The following DMD variants were observed in gnomAD, a reference collection of about 807,000 sequenced individuals.
DMD encodes mutant dystrophin.
In DMD, 63 loss-of-function variants were observed where a neutral mutation model predicts 330.1. The ratio of observed to expected loss-of-function variants is 0.19; its 90% CI spans 0.16 to 0.24. The LOEUF is 0.24. DMD is among the 10% of genes least tolerant of loss of function. The pLI, the probability that DMD is intolerant of heterozygous loss-of-function variation, is 1.00. For synonymous variants in DMD, 1,223 were observed against 959.8 expected, an observed-to-expected ratio of 1.27 and a Z score of -5.07; for missense variants, 3,344 against 2,684.1, an observed-to-expected ratio of 1.25 and a Z score of -5.43.
At chrX:31,653,958 AGAT>A (rs1438780594) in intron 54 of DMD, among the ~76,000 whole-genome samples, 1 of 111,748 alleles carries the variant, frequency 8.9e-6, no homozygotes, top group Admixed American at 9.5e-5. Context: ...TTCCATAGAT[AGAT>A]TAGTTCCTTT....
chrX:32,856,650 T>C (rs1237175362), intron 2 of DMD, among the ~76,000 whole-genome samples: 1 of 111,874 alleles, frequency 8.9e-6, no homozygotes, highest in Admixed American at 9.5e-5. Context: ...GAATGATGTT[T>C]ACCAGAGTGT....
intron 21 of DMD, among the ~76,000 whole-genome samples, chrX:32,482,863 T>C (rs911458264): frequency 9.1e-6 from 1 of 109,832 alleles, no homozygotes; most frequent in Admixed American, 9.9e-5. Flanking sequence ...TATGCCATTT[T>C]CCAACACTGA....
chrX:31,756,091 T>C (rs975005475), intron 51 of DMD, among the ~76,000 whole-genome samples: 1 of 111,114 alleles, frequency 9.0e-6, no homozygotes, highest in African/African-American at 3.3e-5. Context: ...AATTACTTTA[T>C]GGAGATGCAA....
At chrX:32,252,799 T>C (rs1381684109) in intron 43 of DMD, among the ~76,000 whole-genome samples, 45 of 72,061 alleles carry the variant, frequency 6.2e-4, no homozygotes, top group Non-Finnish European at 8.8e-4. Flanking sequence ...TATAAATATA[T>C]ATATAAATAT....
At position 32,574,923 on chromosome X, in the gene DMD, G is replaced by C. The variant is rs186839164; in HGVS notation, c.1603-1077C>G. On this transcript the variant is annotated intron_variant, in intron 13 of 78. Coordinates refer to ENST00000357033, the MANE Select transcript of DMD (RefSeq NM_004006.3). ...TATTTTTTTTTTTTTTGTAGACAGA[G>C]TTTTGCTCCTGTCACCCAGGCTGGA... 4.7e-5 allele frequency among the ~76,000 whole-genome samples: 5 copies of C among 105,573 alleles called. No individual in the cohort carries two copies. The South Asian group carries it at 2.1e-3, about 45-fold the overall frequency. The allele number at this position is 105,573 out of a possible 115,157, so 91.7% of individuals were successfully genotyped here.
rs1416672342 is a variant in DMD, at chrX:31,530,931, T to G, written c.8218-23478A>C. 8.2e-5 allele frequency among the ~76,000 whole-genome samples: 7 copies of G among 85,021 alleles called. No individual in the cohort carries two copies. In the Admixed American group the frequency reaches 8.9e-4, roughly 11 times the overall value. 73.8% of individuals were successfully genotyped at this position (85,021 alleles called of 115,157 possible). A position where few individuals can be genotyped will look rare whatever the true frequency, so the allele number is the denominator to read the frequency against. ...ATGAGTGAGAATATGCGGTGTTTGG[T>G]TTTTTGTTCTTGCGATAGTTTACTG... On this transcript the variant is annotated intron_variant, in intron 55 of 78. Transcript: ENST00000357033.
At chrX:31,856,648 T>C (rs2093617284) in intron 48 of DMD, among the ~76,000 whole-genome samples, 1 of 112,396 alleles carries the variant, frequency 8.9e-6, no homozygotes, top group South Asian at 3.7e-4. Context: ...GGACTTTAGT[T>C]ACAATGGCAT....
chrX:31,695,343 A>G (rs2083388727), intron 52 of DMD, among the ~76,000 whole-genome samples: 1 of 110,690 alleles, frequency 9.0e-6, no homozygotes, highest in South Asian at 3.8e-4. Flanking sequence ...AAGAATGAGT[A>G]AGACCTAGTA....
intron 1 of DMD, among the ~76,000 whole-genome samples, chrX:33,144,899 ATTG>A (rs1361793553): frequency 8.9e-6 from 1 of 112,022 alleles, no homozygotes; most frequent in Non-Finnish European, 1.9e-5. Flanking sequence ...TCCAACTACC[ATTG>A]TTAATGCTTT....
chrX:32,518,202 A>T (rs2046053940), intron 17 of DMD, 71 bp from the exon 18 acceptor site: 1 of 1,008,634 alleles, frequency 9.9e-7, no homozygotes, highest in Non-Finnish European at 1.4e-6. Context: ...AAAGCAATTT[A>T]TCCACATTTA....
At chrX:31,166,122 C>A (rs1220909444) in intron 74 of DMD, among the ~76,000 whole-genome samples, 6 of 112,288 alleles carry the variant, frequency 5.3e-5, no homozygotes, top group African/African-American at 9.7e-5. Context: ...AAAGTGCATG[C>A]ATGTATGCTA....
chrX:32,688,324 T>C lies in DMD; in HGVS notation c.960+9546A>G, dbSNP rs186768423. The stretch of plus-strand genomic sequence containing the variant: ...ATCAAGAGACAAAAAAGTCATTTTC[T>C]AGAATGGTTGGTAAAATTATATATC... On this transcript the variant is annotated intron_variant, in intron 9 of 78. Coordinates refer to ENST00000357033, the MANE Select transcript of DMD (RefSeq NM_004006.3). Among the ~76,000 whole-genome samples the C allele has an allele frequency of 2.4e-3, 265 of 112,446 alleles. 2 individuals carry two copies. The highest frequency in any genetic ancestry group is 4.6e-3 in the Middle Eastern group (1 of 218).
intron 43 of DMD, among the ~76,000 whole-genome samples, chrX:32,231,004 A>T (rs1198945072): frequency 8.9e-6 from 1 of 112,303 alleles, no homozygotes; most frequent in African/African-American, 3.2e-5. Flanking sequence ...ACATTTCCTC[A>T]TTGGCACATG....
At position 31,968,374 on chromosome X, in the gene DMD, C is replaced by A; in HGVS notation, c.6579G>T (p.Gln2193His). 8.3e-7 allele frequency: 1 copy of A among 1,210,796 alleles called. No individual in the cohort carries two copies. The highest frequency in any genetic ancestry group is 1.1e-6 in the Non-Finnish European group (1 of 894,892). ...EKLGSLNLRW[Q>H]EVCKQLSDRK... ...TGTCTGACAGCTGTTTGCAGACCTC[C>A]TGCCACCGCAGATTCAGGCTTCCCA... Residue 2193 changes from glutamine to histidine, a missense_variant, in exon 45 of 79, where the codon CAG becomes CAT. By Grantham distance (24) the Gln-to-His change is conservative (BLOSUM62 0). Transcript: ENST00000357033.
At chrX:32,232,254 A>T (rs2097171652) in intron 43 of DMD, among the ~76,000 whole-genome samples, 1 of 112,261 alleles carries the variant, frequency 8.9e-6, no homozygotes, top group African/African-American at 3.2e-5. Flanking sequence ...ATATTTTCTT[A>T]TAAAAATAGA....
chrX:33,185,618 C>T (rs772652520), intron 1 of DMD, among the ~76,000 whole-genome samples: 18 of 111,144 alleles, frequency 1.6e-4, no homozygotes, highest in Middle Eastern at 4.7e-3. Flanking sequence ...TTTAGTCCTC[C>T]CCCACAAAAA....
intron 7 of DMD, among the ~76,000 whole-genome samples, chrX:32,770,900 C>A: frequency 1.8e-5 from 2 of 111,642 alleles, no homozygotes; most frequent in Non-Finnish European, 3.8e-5. Context: ...GTTGGCTCTA[C>A]TTAAGAGAGG....
In DMD at chrX:32,879,021, A is replaced by AC. The variant is rs1557109750; in HGVS notation, c.94-29202_94-29201insG. ...AGACTACGTCTCAAAAAAAAAACAA[A>AC]AAACAAAAAACAAACAAAAAAAAAA... is the stretch of plus-strand genomic sequence containing the variant. On this transcript the variant is annotated intron_variant, in intron 2 of 78. Coordinates refer to ENST00000357033, the MANE Select transcript of DMD (RefSeq NM_004006.3). Among the ~76,000 whole-genome samples the AC allele has an allele frequency of 3.4e-3, 341 of 101,778 alleles. 15 individuals are homozygous for AC. In the East Asian group the frequency reaches 0.056, roughly 17 times the overall value. The allele number at this position is 101,778 out of a possible 115,157, so 88.4% of individuals were successfully genotyped here.
chrX:33,131,237 C>T (rs912282072), intron 1 of DMD, among the ~76,000 whole-genome samples: 5 of 110,831 alleles, frequency 4.5e-5, no homozygotes. Context: ...CATCGGGTAG[C>T]GAGGCCCCTA....
Sources: allele counts gnomAD v4.1 joint callset (sites outside exome capture counted in the v4.1 genomes callset), GRCh38; gene constraint gnomAD v4.1.1; transcripts MANE v1.5; gene names NCBI Gene and HGNC (gene_info 2026-07-23, HGNC 2026-07-21).